The following CNTN4 variants were observed in gnomAD, a reference collection of about 807,000 sequenced individuals.
CNTN4 encodes contactin-4.
In CNTN4, 77 loss-of-function variants were observed where a neutral mutation model predicts 122.5. The observed-to-expected ratio is 0.63, with a 90% CI of 0.52 to 0.76. The LOEUF is 0.76. CNTN4 is among the 30% of genes least tolerant of loss of function. The probability of loss-of-function intolerance (pLI) is 0.00; values close to 1 mark genes in which losing one functional copy is unlikely to be tolerated. For synonymous variants in CNTN4, 512 were observed against 447.0 expected (o/e 1.15, Z -1.83); for missense variants, 1,256 against 1,259.1 (o/e 1.00, Z 0.04).
chr3:2,370,740 T>C lies in CNTN4; in HGVS notation c.-89+31507T>C, dbSNP rs546662698. Among the ~76,000 whole-genome samples, 5 of 152,336 alleles carry C rather than the reference T, an allele frequency of 3.3e-5. 1 individual carries two copies. The South Asian group carries it at 1.0e-3, about 32-fold the overall frequency. ...GTTAACCAGTATTGATGAATTTTTA[T>C]TATAGATCCAAAAAATGATATAATT... On this transcript the variant is annotated intron_variant, in intron 3 of 24. Coordinates refer to ENST00000418658, the MANE Select transcript of CNTN4 (RefSeq NM_175607.3).
At chr3:2,644,269 G>A (rs1437135642) in intron 4 of CNTN4, among the ~76,000 whole-genome samples, 3 of 152,172 alleles carry the variant, frequency 2.0e-5, no homozygotes, top group Non-Finnish European at 4.4e-5. Flanking sequence ...CCATCGCCGA[G>A]TTTTATTTTA....
intron 12 of CNTN4, among the ~76,000 whole-genome samples, chr3:2,917,305 G>A (rs1266616897): frequency 5.4e-5 from 8 of 148,026 alleles, no homozygotes; most frequent in Admixed American, 2.7e-4. Flanking sequence ...AGGCGGAGAC[G>A]AGGCAGAGGG....
chr3:2,196,896 T>C (rs1306785423), intron 2 of CNTN4, among the ~76,000 whole-genome samples: 1 of 151,478 alleles, frequency 6.6e-6, no homozygotes, highest in East Asian at 1.9e-4. Flanking sequence ...AATACAAAAT[T>C]AGCCAGGCAT....
chr3:2,466,572 G>A (rs1480979785), intron 3 of CNTN4, among the ~76,000 whole-genome samples: 1 of 152,154 alleles, frequency 6.6e-6, no homozygotes. Context: ...TTGTGAGTTT[G>A]CTGGTGTGGC....
At chr3:2,412,795 G>A (rs2047273640) in intron 3 of CNTN4, among the ~76,000 whole-genome samples, 1 of 152,078 alleles carries the variant, frequency 6.6e-6, no homozygotes, top group Admixed American at 6.5e-5. Flanking sequence ...ATAGAAAGCT[G>A]TAGAATCAGA....
rs181031334 is a variant in CNTN4 at position 2,415,469 on chromosome 3, G to T, written c.-89+76236G>T. On this transcript the variant is annotated intron_variant, in intron 3 of 24. Transcript: ENST00000418658. ...TTGGCTTAACCAGGTGTGGGCAATT[G>T]TTGGGTGCCTTTAAAAAGTCATAAC... Among the ~76,000 whole-genome samples the T allele has an allele frequency of 6.7e-4, 102 of 152,282 alleles. 1 individual carries two copies. Among genetic ancestry groups the T allele is most frequent in the African/African-American group, 2.4e-3 (98 of 41,556 alleles).
intron 4 of CNTN4, among the ~76,000 whole-genome samples, chr3:2,638,451 G>A (rs560657450): frequency 6.6e-6 from 1 of 151,664 alleles, no homozygotes; most frequent in Non-Finnish European, 1.5e-5. Context: ...AGAAAGTTGC[G>A]GTTTACAAAT....
rs148099008 is a variant in CNTN4 at position 2,591,771 on chromosome 3, T to C, written c.55+20213T>C. ...GAAAAATGAGATCCCAACTTGTCTC[T>C]CATGTAAGGGAGGTAAAGAAAAGTA... is the stretch of plus-strand genomic sequence containing the variant. On this transcript the variant is annotated intron_variant, in intron 4 of 24. Coordinates refer to ENST00000418658, the MANE Select transcript of CNTN4 (RefSeq NM_175607.3). Among the ~76,000 whole-genome samples the C allele has an allele frequency of 1.3e-3, 203 of 152,330 alleles. 1 individual carries two copies. Among genetic ancestry groups the C allele is most frequent in the African/African-American group, 4.8e-3 (199 of 41,578 alleles).
intron 4 of CNTN4, among the ~76,000 whole-genome samples, chr3:2,582,670 A>G (rs2079998491): frequency 1.3e-5 from 2 of 152,316 alleles, no homozygotes; most frequent in East Asian, 1.9e-4. Context: ...TCTAGAGGGC[A>G]AAGGAGGGCA....
chr3:2,806,349 G>A (rs1452991478), intron 6 of CNTN4, among the ~76,000 whole-genome samples: 2 of 152,186 alleles, frequency 1.3e-5, no homozygotes, highest in Non-Finnish European at 2.9e-5. Flanking sequence ...GACCATGTTG[G>A]ATTCATCTTC....
At chr3:2,946,393 A>T (rs1287205309) in intron 13 of CNTN4, among the ~76,000 whole-genome samples, 1 of 152,178 alleles carries the variant, frequency 6.6e-6, no homozygotes, top group Non-Finnish European at 1.5e-5. Flanking sequence ...AGGTTAGATG[A>T]TTCATGACAT....
chr3:2,922,067 A>C (rs535961257), intron 12 of CNTN4, among the ~76,000 whole-genome samples: 3 of 152,196 alleles, frequency 2.0e-5, no homozygotes, highest in African/African-American at 4.8e-5. Flanking sequence ...CTAGCAGTGC[A>C]TGTGAGAAAT....
intron 2 of CNTN4, among the ~76,000 whole-genome samples, chr3:2,221,252 C>A (rs573077660): frequency 1.3e-5 from 2 of 152,142 alleles, no homozygotes; most frequent in East Asian, 3.9e-4. Context: ...TAAAGGGAAA[C>A]ATTTGTTTTT....
chr3:2,743,636 T>C (rs558157821), intron 5 of CNTN4, among the ~76,000 whole-genome samples: 1 of 152,218 alleles, frequency 6.6e-6, no homozygotes, highest in Non-Finnish European at 1.5e-5. Context: ...AAATATTTAG[T>C]TAATTAAATT....
chr3:3,018,037 A>G (rs1697933093), intron 14 of CNTN4, among the ~76,000 whole-genome samples: 1 of 152,252 alleles, frequency 6.6e-6, no homozygotes, highest in Non-Finnish European at 1.5e-5. Flanking sequence ...AACAAACTGG[A>G]AACTGTGGTG....
chr3:2,404,605 A>G (rs2046967176), intron 3 of CNTN4, among the ~76,000 whole-genome samples: 1 of 152,078 alleles, frequency 6.6e-6, no homozygotes, highest in Non-Finnish European at 1.5e-5. Context: ...AAGGACTCAT[A>G]TGATTACATT....
intron 2 of CNTN4, among the ~76,000 whole-genome samples, chr3:2,250,964 A>T (rs1184490689): frequency 6.6e-6 from 1 of 151,880 alleles, no homozygotes; most frequent in East Asian, 1.9e-4. Flanking sequence ...TTTTATGCAT[A>T]AGTCTGAGTA....
At chr3:2,304,783 C>CT (rs971983653) in intron 2 of CNTN4, among the ~76,000 whole-genome samples, 2 of 150,048 alleles carry the variant, frequency 1.3e-5, no homozygotes, top group Non-Finnish European at 3.0e-5. Flanking sequence ...TACAATGGAG[C>CT]TTTTTCCATT....
intron 4 of CNTN4, among the ~76,000 whole-genome samples, chr3:2,585,975 A>G (rs774718074): frequency 5.9e-5 from 9 of 152,054 alleles, no homozygotes; most frequent in Admixed American, 3.9e-4. Flanking sequence ...ATCAATGAAG[A>G]TAATAAATGC....
Sources: gnomAD v4.1 joint callset for allele counts (sites outside exome capture counted in the v4.1 genomes callset) on GRCh38, gnomAD v4.1.1 for gene constraint, MANE v1.5 for transcripts, NCBI Gene and HGNC (gene_info 2026-07-23, HGNC 2026-07-21) for gene names.